Variants in NCAM1 observed in about 807,000 individuals in gnomAD.
The protein encoded by NCAM1 is neural cell adhesion molecule 1.
Under a neutral mutation model 109.8 loss-of-function variants are expected in NCAM1, and 14 were observed. The observed-to-expected ratio is 0.13, with a 90% CI of 0.08 to 0.20. The LOEUF (loss-of-function observed/expected upper bound fraction) is 0.20. NCAM1 is among the 10% of genes least tolerant of loss of function. NCAM1 has a pLI of 1.00. For missense variants in NCAM1, 774 were observed against 1,109.9 expected, an observed-to-expected ratio of 0.70 and a Z score of 4.30; for synonymous variants, 418 against 442.9, an observed-to-expected ratio of 0.94 and a Z score of 0.70.
At position 113,214,389 on chromosome 11, in the gene NCAM1, G is replaced by T. The variant is rs1944467866; in HGVS notation, c.937G>T (p.Val313Leu). ...TTCAGCAAAACCCAAAATCACATAT[G>T]TAGAGAACCAGACTGCCATGGAATT... ...KVFAKPKITY[V>L]ENQTAMELEE... Residue 313 changes from valine to leucine, a missense_variant, in exon 8 of 20, where the codon GTA becomes TTA. Around this residue, in one of 4 missense-constraint regions of NCAM1, gnomAD observed 523 missense variants for 784.2 expected, o/e 0.67. Coordinates refer to ENST00000316851, the MANE Select transcript of NCAM1 (RefSeq NM_181351.5). 1 of 1,613,954 alleles carries T rather than the reference G, an allele frequency of 6.2e-7. No homozygotes were observed. Among genetic ancestry groups the T allele is most frequent in the Non-Finnish European group, 8.5e-7 (1 of 1,179,866 alleles).
intron 1 of NCAM1, among the ~76,000 whole-genome samples, chr11:113,173,404 C>CG (rs1319056269): frequency 2.0e-4 from 30 of 151,492 alleles, no homozygotes; most frequent in African/African-American, 6.5e-4. Flanking sequence ...CAGAAAGTGG[C>CG]GGGGGAGCTG....
At chr11:112,964,035 T>C (rs1274999652) in intron 1 of NCAM1, among the ~76,000 whole-genome samples, 5 of 152,046 alleles carry the variant, frequency 3.3e-5, no homozygotes, top group Non-Finnish European at 5.9e-5. Context: ...TACCATAGTT[T>C]TTTTTTAAAA....
At chr11:113,165,540 C>T (rs1163286650) in intron 1 of NCAM1, among the ~76,000 whole-genome samples, 11 of 152,156 alleles carry the variant, frequency 7.2e-5, no homozygotes, top group African/African-American at 2.7e-4. Flanking sequence ...GCAGTTTAAA[C>T]CTTTGAGACA....
intron 1 of NCAM1, among the ~76,000 whole-genome samples, chr11:113,189,881 G>A (rs202181006): frequency 4.1e-5 from 6 of 147,012 alleles, no homozygotes; most frequent in Non-Finnish European, 6.0e-5. Flanking sequence ...AACAAACAAG[G>A]AAAAAAAAAA....
At position 112,983,887 on chromosome 11, in the gene NCAM1, T is replaced by C. The variant is rs142099544; in HGVS notation, c.52+22223T>C. Among the ~76,000 whole-genome samples the C allele has an allele frequency of 1.4e-3, 206 of 152,090 alleles. 2 individuals carry two copies. Among genetic ancestry groups the C allele is most frequent in the African/African-American group, 4.8e-3 (201 of 41,532 alleles). On this transcript the variant is annotated intron_variant, in intron 1 of 19. Transcript: ENST00000316851. The stretch of plus-strand genomic sequence containing the variant: ...ACATGGTCACCTTTATGTATGTATG[T>C]ATGTATTTATTTATTGTGAATAGAG...
In NCAM1 at chr11:112,997,326, A is replaced by C. The variant is rs570192465; in HGVS notation, c.52+35662A>C. ...TGATAATTAAAATGAAGGAGCATAAATTTATTACATAGTATATTAATTCAC... is the reference window on the plus strand; with the variant it reads ...TGATAATTAAAATGAAGGAGCATAACTTTATTACATAGTATATTAATTCAC... On this transcript the variant is annotated intron_variant, in intron 1 of 19. Coordinates refer to ENST00000316851, the MANE Select transcript of NCAM1 (RefSeq NM_181351.5). 3.6e-4 allele frequency among the ~76,000 whole-genome samples: 55 copies of C among 152,330 alleles called. 1 individual carries two copies. Among genetic ancestry groups the C allele is most frequent in the Non-Finnish European group, 7.5e-4 (51 of 68,036 alleles).
At chr11:113,194,478 G>GA (rs1459904130) in intron 1 of NCAM1, among the ~76,000 whole-genome samples, 2 of 152,134 alleles carry the variant, frequency 1.3e-5, no homozygotes, top group Middle Eastern at 3.2e-3. Flanking sequence ...GTAGCTTTAT[G>GA]AAAAATGATA....
chr11:113,246,610 A>G (rs1349311453), intron 15 of NCAM1, among the ~76,000 whole-genome samples: 3 of 152,260 alleles, frequency 2.0e-5, no homozygotes, highest in Non-Finnish European at 4.4e-5. Context: ...ACTGTTCTCT[A>G]CAGTCAACCC....
At position 113,277,202 on chromosome 11, in the gene NCAM1, C is replaced by T. The variant is rs1946413568; in HGVS notation, c.*1815C>T. 1 of 397,518 alleles carries T rather than the reference C, an allele frequency of 2.5e-6. No homozygotes were observed. The highest frequency in any genetic ancestry group is 4.4e-6 in the Non-Finnish European group (1 of 225,588). The allele number at this position is 397,518 out of a possible 1,614,324, so 24.6% of individuals were successfully genotyped here. On this transcript the variant is annotated 3_prime_UTR_variant, in exon 20 of 20. Transcript: ENST00000316851. The stretch of plus-strand genomic sequence containing the variant: ...GCAAGAGGTTAGGGTGGCAAGGCTG[C>T]CTCTGGGTCCATTCTGTGGGCCACT...
intron 17 of NCAM1, among the ~76,000 whole-genome samples, chr11:113,269,147 G>C (rs1219855069): frequency 6.6e-6 from 1 of 152,154 alleles, no homozygotes; most frequent in South Asian, 2.1e-4. Flanking sequence ...GAACCACCAA[G>C]AGGTCAATTG....
intron 15 of NCAM1, among the ~76,000 whole-genome samples, chr11:113,248,667 T>C (rs1945571515): frequency 3.3e-5 from 5 of 152,174 alleles, no homozygotes; most frequent in Admixed American, 1.3e-4. Flanking sequence ...GCCTGGGATA[T>C]GCATAACCTA....
chr11:113,246,402 A>G (rs782813034), intron 15 of NCAM1, 32 bp downstream of exon 15: 1 of 733,948 alleles, frequency 1.4e-6, no homozygotes, highest in Non-Finnish European at 2.5e-6. Flanking sequence ...AGTGAAATAA[A>G]TCTGGGACCA....
chr11:113,191,379 C>T (rs1202342840), intron 1 of NCAM1, among the ~76,000 whole-genome samples: 1 of 152,208 alleles, frequency 6.6e-6, no homozygotes, highest in Non-Finnish European at 1.5e-5. Context: ...TCATATAGCT[C>T]CTAGGAGACA....
chr11:113,119,378 G>A (rs1451510232), intron 1 of NCAM1, among the ~76,000 whole-genome samples: 3 of 152,170 alleles, frequency 2.0e-5, no homozygotes, highest in Non-Finnish European at 4.4e-5. Context: ...AAGGGATAGA[G>A]GTTTCACACA....
chr11:113,270,206 C>T lies in NCAM1; in HGVS notation c.2150C>T (p.Ser717Leu). 1 of 1,614,040 alleles carries T rather than the reference C, an allele frequency of 6.2e-7. No individual in the cohort carries two copies. The highest frequency in any genetic ancestry group is 8.5e-7 in the Non-Finnish European group (1 of 1,179,898). ...ACTCAAGCCAACGGCAGCCCCACCTCAGGCCTGAGCACCGGGGCCATCGTG... is the reference window on the plus strand; with the variant it reads ...ACTCAAGCCAACGGCAGCCCCACCTTAGGCCTGAGCACCGGGGCCATCGTG... ...TAIPANGSPT[S>L]GLSTGAIVGI... Residue 717 changes from serine to leucine, a missense_variant, in exon 18 of 20, where the codon TCA becomes TTA. Coordinates refer to ENST00000316851, the MANE Select transcript of NCAM1 (RefSeq NM_181351.5).
intron 1 of NCAM1, among the ~76,000 whole-genome samples, chr11:113,165,670 C>A (rs1390334673): frequency 6.6e-6 from 1 of 152,078 alleles, no homozygotes; most frequent in Admixed American, 6.5e-5. Flanking sequence ...AGTGAAGAAA[C>A]CTCTGGTTTC....
intron 1 of NCAM1, among the ~76,000 whole-genome samples, chr11:113,142,218 G>C (rs1555100582): frequency 6.6e-6 from 1 of 152,118 alleles, no homozygotes. Flanking sequence ...CCTGTGTTGG[G>C]AGGAAAAAGT....
rs200726533 is a variant in NCAM1, at chr11:113,235,088, C to T, written c.1749C>T (p.Ala583=). Residue 583 remains alanine, a synonymous_variant, in exon 14 of 20, where the codon GCC becomes GCT. Transcript: ENST00000316851. ...GCCTGAAGCCCGAAACAACGTACGC[C>T]GTAAGGCTGGCGGCGCTCAATGGCA... is the stretch of plus-strand genomic sequence containing the variant. The part of the protein sequence containing the change: ...IVGLKPETTY[A]VRLAALNGKG... The T allele has an allele frequency of 3.2e-4, 507 of 1,598,742 alleles. 4 individuals carry two copies. In the African/African-American group the frequency reaches 5.0e-3, roughly 16 times the overall value.
intron 1 of NCAM1, among the ~76,000 whole-genome samples, chr11:113,066,216 G>A (rs978693701): frequency 6.7e-6 from 1 of 149,360 alleles, no homozygotes; most frequent in African/African-American, 2.4e-5. Flanking sequence ...ACAGTTCAGT[G>A]AGAAAAAAAA....
Sources: gnomAD v4.1 joint callset for allele counts (sites outside exome capture counted in the v4.1 genomes callset) on GRCh38, gnomAD v4.1.1 for gene constraint, gnomAD v4.1.1 regional missense constraint, MANE v1.5 for transcripts, NCBI Gene and HGNC (gene_info 2026-07-23, HGNC 2026-07-21) for gene names.